Variants in NRXN3 observed in about 807,000 individuals in gnomAD.
NRXN3 encodes neurexin III.
Under a neutral mutation model 137.6 loss-of-function variants are expected in NRXN3, and 32 were observed. The ratio of observed to expected loss-of-function variants is 0.23; its 90% CI spans 0.18 to 0.31. NRXN3 has a LOEUF of 0.31. Among genes scored for constraint, NRXN3 ranks in the 10% least tolerant of loss-of-function variants. NRXN3 has a pLI of 1.00. For missense variants in NRXN3, 1,574 were observed against 2,062.5 expected, an observed-to-expected ratio of 0.76 and a Z score of 4.59; for synonymous variants, 798 against 784.5, an observed-to-expected ratio of 1.02 and a Z score of -0.29.
intron 15 of NRXN3, among the ~76,000 whole-genome samples, chr14:79,240,060 G>A (rs759272972): frequency 6.6e-6 from 1 of 152,024 alleles, no homozygotes; most frequent in Non-Finnish European, 1.5e-5. Flanking sequence ...TAGTTAGAAG[G>A]AATTGATGAT....
chr14:78,229,856 A>T (rs1429706077), intron 1 of NRXN3, among the ~76,000 whole-genome samples: 1 of 151,874 alleles, frequency 6.6e-6, no homozygotes, highest in East Asian at 1.9e-4. Flanking sequence ...AGCACCATAT[A>T]CTCTCTAGGG....
intron 10 of NRXN3, among the ~76,000 whole-genome samples, chr14:78,823,807 A>T (rs1027212081): frequency 6.6e-6 from 1 of 152,068 alleles, no homozygotes; most frequent in Non-Finnish European, 1.5e-5. Context: ...TGTGCAATTG[A>T]GCTTCATGCC....
At chr14:79,249,163 G>GTA in intron 15 of NRXN3, 1 of 152,258 alleles carries the variant, frequency 6.6e-6, no homozygotes, top group Non-Finnish European at 1.5e-5. Context: ...AAAAAGGAAG[G>GTA]TAAAAGGTTA....
At chr14:79,772,625 T>C (rs142977558) in intron 19 of NRXN3, among the ~76,000 whole-genome samples, 149 of 152,088 alleles carry the variant, frequency 9.8e-4, no homozygotes, top group African/African-American at 3.5e-3. Context: ...CAAAAATCAA[T>C]TCAATATGGA....
chr14:79,182,294 A>G (rs921307600), intron 15 of NRXN3, among the ~76,000 whole-genome samples: 4 of 123,150 alleles, frequency 3.2e-5, no homozygotes, highest in Admixed American at 2.8e-4. Flanking sequence ...TTATTGTGTA[A>G]TTTATTTCTA....
intron 4 of NRXN3, among the ~76,000 whole-genome samples, chr14:78,520,922 C>G (rs1290709944): frequency 2.6e-5 from 4 of 152,130 alleles, no homozygotes; most frequent in Admixed American, 2.6e-4. Context: ...TAATATCTTT[C>G]TTTTTAAAAA....
At position 79,273,177 on chromosome 14, in the gene NRXN3, A is replaced by AAAT. The variant is rs1334147403; in HGVS notation, c.3263-194042_3263-194041insTAA. ...GCAATGCAAGACTCTGTGGCCAAAA[A>AAAT]AAAAAAAAAAAAAAAAAAAAAAATG... On this transcript the variant is annotated intron_variant, in intron 15 of 20. Coordinates refer to ENST00000335750, the MANE Select transcript of NRXN3 (RefSeq NM_001330195.2). Among the ~76,000 whole-genome samples, 112 of 148,482 alleles carry AAAT rather than the reference A, an allele frequency of 7.5e-4. 2 individuals carry two copies. The highest frequency in any genetic ancestry group is 2.7e-3 in the African/African-American group (109 of 40,028).
chr14:79,390,325 A>C (rs916614163), intron 15 of NRXN3, among the ~76,000 whole-genome samples: 1 of 151,848 alleles, frequency 6.6e-6, no homozygotes, highest in African/African-American at 2.4e-5. Flanking sequence ...TCAAAAAAAA[A>C]AAAAAAAACC....
intron 6 of NRXN3, among the ~76,000 whole-genome samples, chr14:78,665,375 C>T (rs1479281295): frequency 3.3e-5 from 5 of 152,040 alleles, no homozygotes. Flanking sequence ...AGGAGAAGTG[C>T]CAAGCAAAGG....
intron 8 of NRXN3, among the ~76,000 whole-genome samples, chr14:78,784,159 A>G (rs2098780855): frequency 2.0e-5 from 3 of 152,066 alleles, no homozygotes; most frequent in Admixed American, 6.6e-5. Flanking sequence ...GAATATGCTC[A>G]GGGAGATAGG....
chr14:78,984,944 A>G (rs1284638446), intron 14 of NRXN3, among the ~76,000 whole-genome samples: 1 of 152,260 alleles, frequency 6.6e-6, no homozygotes, highest in Non-Finnish European at 1.5e-5. Context: ...TGAAAGTTCT[A>G]TTAAGTCCTT....
chr14:79,776,510 G>A (rs986708523), intron 19 of NRXN3, among the ~76,000 whole-genome samples: 6 of 152,134 alleles, frequency 3.9e-5, no homozygotes, highest in Admixed American at 1.3e-4. Flanking sequence ...CCTCCCCCAT[G>A]GGCATGGTTA....
In NRXN3 at chr14:79,508,300, C is replaced by T. The variant is rs374479703; in HGVS notation, c.3444+40898C>T. Among the ~76,000 whole-genome samples the T allele has an allele frequency of 4.3e-4, 65 of 151,156 alleles. 1 individual carries two copies. In the South Asian group the frequency reaches 5.6e-3, roughly 13 times the overall value. On this transcript the variant is annotated intron_variant, in intron 16 of 20. Transcript: ENST00000335750. ...TAGTCATCATTGCTTTTATACTTTT[C>T]GGCTTCCAGTGATTTCCAGTGACTA...
chr14:79,282,667 A>C (rs900991524), intron 15 of NRXN3, among the ~76,000 whole-genome samples: 13 of 152,162 alleles, frequency 8.5e-5, no homozygotes, highest in Admixed American at 2.0e-4. Flanking sequence ...AGTGTGATGG[A>C]AAATAAGAAG....
intron 1 of NRXN3, among the ~76,000 whole-genome samples, chr14:78,181,928 G>A (rs949814103): frequency 6.6e-5 from 10 of 152,086 alleles, no homozygotes; most frequent in African/African-American, 2.4e-4. Context: ...CACTATACCA[G>A]GTGCTGGGAA....
Position 79,731,429 on chromosome 14 carries a change from C to T in NRXN3, c.4014+33492C>T, listed in dbSNP as rs185382738. Among the ~76,000 whole-genome samples the T allele has an allele frequency of 1.8e-4, 27 of 152,310 alleles. No homozygotes were observed. In the East Asian group the frequency reaches 4.0e-3, roughly 23 times the overall value. ...AAATAATAAAACATTCTATAAACCA[C>T]ACATCCCATCTAGGACTAATCATTA... On this transcript the variant is annotated intron_variant, in intron 19 of 20. Transcript: ENST00000335750.
At chr14:79,485,186 G>A (rs1258428858) in intron 16 of NRXN3, among the ~76,000 whole-genome samples, 1 of 152,034 alleles carries the variant, frequency 6.6e-6, no homozygotes, top group Non-Finnish European at 1.5e-5. Flanking sequence ...GCATTTAAGA[G>A]CTCTGAATTC....
intron 10 of NRXN3, among the ~76,000 whole-genome samples, chr14:78,857,877 A>G (rs1423849583): frequency 6.6e-6 from 1 of 152,176 alleles, no homozygotes; most frequent in Non-Finnish European, 1.5e-5. Flanking sequence ...TGGGTAGAGG[A>G]GCAAAGTATA....
chr14:78,927,637 C>A (rs1018069297), intron 10 of NRXN3, among the ~76,000 whole-genome samples: 1 of 152,048 alleles, frequency 6.6e-6, no homozygotes, highest in Non-Finnish European at 1.5e-5. Context: ...TTTTATGATC[C>A]TATGTGGGTT....
Sources: gnomAD v4.1 joint callset for allele counts (sites outside exome capture counted in the v4.1 genomes callset) on GRCh38, gnomAD v4.1.1 for gene constraint, MANE v1.5 for transcripts, NCBI Gene and HGNC (gene_info 2026-07-23, HGNC 2026-07-21) for gene names.